Variants in GPIHBP1 observed in about 807,000 individuals in gnomAD.
GPIHBP1 encodes the protein glycosylphosphatidylinositol-anchored high density lipoprotein-binding protein 1.
GPIHBP1 carries 11 observed loss-of-function variants against 13.0 expected under a neutral mutation model. The ratio of observed to expected loss-of-function variants is 0.84; its 90% CI spans 0.53 to 1.40. GPIHBP1 has a LOEUF of 1.40. Among genes scored for constraint, GPIHBP1 ranks in the 40% most tolerant of loss-of-function variants. The pLI, the probability that GPIHBP1 is intolerant of heterozygous loss-of-function variation, is 0.00. For synonymous variants in GPIHBP1, 106 were observed against 102.2 expected (o/e 1.04, Z -0.22); for missense variants, 231 against 241.1 (o/e 0.96, Z 0.28).
At position 143,215,048 on chromosome 8, in the gene GPIHBP1, A is replaced by G. The variant is rs1369769208; in HGVS notation, c.217A>G (p.Arg73Gly). 2 of 1,602,000 alleles carry G rather than the reference A, an allele frequency of 1.2e-6. No homozygotes were observed. Among genetic ancestry groups the G allele is most frequent in the Non-Finnish European group, 1.7e-6 (2 of 1,175,218 alleles). ...GTGCTACACCTGCAAGTCCCTGCCC[A>G]GGGACGAGCGCTGCAACCTGACGCA... ...LRCYTCKSLP[R>G]DERCNLTQNC... The change falls in exon 3 of 4, where the codon AGG (arginine) becomes GGG (glycine). Residue 73 changes from arginine to glycine, a missense_variant. Arg to Gly is a moderately radical substitution (Grantham distance 125). Coordinates refer to ENST00000622500, the MANE Select transcript of GPIHBP1 (RefSeq NM_178172.6).
chr8:143,213,353 G>A (rs1340944382), intron 1 of GPIHBP1, 34 bp downstream of exon 1: 4 of 1,538,648 alleles, frequency 2.6e-6, no homozygotes, highest in South Asian at 1.2e-5. Flanking sequence ...CGGTGAGGGG[G>A]CAGCAACAGC....
chr8:143,214,683 C>T lies in GPIHBP1; in HGVS notation c.182-330C>T, dbSNP rs1488388795. Among the ~76,000 whole-genome samples, 1 of 152,192 alleles carries T rather than the reference C, an allele frequency of 6.6e-6. No individual in the cohort carries two copies. The highest frequency in any genetic ancestry group is 1.5e-5 in the Non-Finnish European group (1 of 68,040). Reference sequence around the variant, plus strand: ...CCTGTGAGGCCCTCCTCTGCCAGGCCTGGTGCTCCTGGAGGCAGGACTGAG... The same window carrying T: ...CCTGTGAGGCCCTCCTCTGCCAGGCTTGGTGCTCCTGGAGGCAGGACTGAG... On this transcript the variant is annotated intron_variant, in intron 2 of 3. Coordinates refer to ENST00000622500, the MANE Select transcript of GPIHBP1 (RefSeq NM_178172.6). The surrounding 1 kb of genome is among the most constrained non-coding windows in gnomAD (Gnocchi z 4.1).
chr8:143,215,137 G>C lies in GPIHBP1; in HGVS notation c.295+11G>C, dbSNP rs377573186. ...CCCACGGGAACACCGGTAAGTGGGCGTGGGGCCGCAGCACATGCACCCCCA... is the reference window on the plus strand; with the variant it reads ...CCCACGGGAACACCGGTAAGTGGGCCTGGGGCCGCAGCACATGCACCCCCA... On this transcript the variant is annotated intron_variant, in intron 3 of 3. Coordinates refer to ENST00000622500, the MANE Select transcript of GPIHBP1 (RefSeq NM_178172.6). The C allele has an allele frequency of 6.2e-7, 1 of 1,610,108 alleles. No homozygotes were observed. Among genetic ancestry groups the C allele is most frequent in the Admixed American group, 1.7e-5 (1 of 60,016 alleles).
At position 143,215,529 on chromosome 8, in the gene GPIHBP1, C is replaced by T; in HGVS notation, c.*11C>T. The stretch of plus-strand genomic sequence containing the variant: ...GCCAGGAGACCCTGACCCACGGCCC[C>T]TCCCCACCCCCACCCGGCTCACCCC... On this transcript the variant is annotated 3_prime_UTR_variant, in exon 4 of 4. Transcript: ENST00000622500. 1 of 1,557,734 alleles carries T rather than the reference C, an allele frequency of 6.4e-7. No individual in the cohort carries two copies. Among genetic ancestry groups the T allele is most frequent in the Non-Finnish European group, 8.7e-7 (1 of 1,153,198 alleles).
At position 143,215,100 on chromosome 8, in the gene GPIHBP1, C is replaced by A; in HGVS notation, c.269C>A (p.Thr90Lys). The A allele has an allele frequency of 6.2e-7, 1 of 1,612,626 alleles. No homozygotes were observed. Among genetic ancestry groups the A allele is most frequent in the Admixed American group, 1.7e-5 (1 of 59,998 alleles). ...TQNCSHGQTCTTLIAHGNTES... is the reference protein window; with the variant it reads ...TQNCSHGQTCKTLIAHGNTES... The stretch of plus-strand genomic sequence containing the variant: ...AACTGCTCACATGGCCAGACCTGCA[C>A]AACCCTCATTGCCCACGGGAACACC... The change falls in exon 3 of 4, where the codon ACA (threonine) becomes AAA (lysine). Residue 90 changes from threonine to lysine, a missense_variant. Transcript: ENST00000622500.
rs1816268869 is a variant in GPIHBP1 at position 143,214,456 on chromosome 8, C to A, written c.181+506C>A. Among the ~76,000 whole-genome samples, 1 of 152,104 alleles carries A rather than the reference C, an allele frequency of 6.6e-6. No individual in the cohort carries two copies. The highest frequency in any genetic ancestry group is 1.5e-5 in the Non-Finnish European group (1 of 68,002). On this transcript the variant is annotated intron_variant, in intron 2 of 3. Coordinates refer to ENST00000622500, the MANE Select transcript of GPIHBP1 (RefSeq NM_178172.6). This position sits in a 1 kb window ranked among gnomAD's most constrained non-coding sequence, Gnocchi z 4.1. ...TGGGCCACCCTCTGCTCTCTCCCATCCCGAGAAAAGCAGAGCAAATCGCCG... is the reference window on the plus strand; with the variant it reads ...TGGGCCACCCTCTGCTCTCTCCCATACCGAGAAAAGCAGAGCAAATCGCCG...
At position 143,215,519 on chromosome 8, in the gene GPIHBP1, C is replaced by G; in HGVS notation, c.*1C>G. Reference sequence around the variant, plus strand: ...AGCAATGGGGGCCAGGAGACCCTGACCCACGGCCCCTCCCCACCCCCACCC... The same window carrying G: ...AGCAATGGGGGCCAGGAGACCCTGAGCCACGGCCCCTCCCCACCCCCACCC... On this transcript the variant is annotated 3_prime_UTR_variant, in exon 4 of 4. Coordinates refer to ENST00000622500, the MANE Select transcript of GPIHBP1 (RefSeq NM_178172.6). 1 of 1,581,294 alleles carries G rather than the reference C, an allele frequency of 6.3e-7. No individual in the cohort carries two copies. The highest frequency in any genetic ancestry group is 8.6e-7 in the Non-Finnish European group (1 of 1,166,492).
At position 143,214,722 on chromosome 8, in the gene GPIHBP1, C is replaced by T. The variant is rs1229870283; in HGVS notation, c.182-291C>T. 6.6e-6 allele frequency among the ~76,000 whole-genome samples: 1 copy of T among 152,210 alleles called. No individual in the cohort carries two copies. The highest frequency in any genetic ancestry group is 1.5e-5 in the Non-Finnish European group (1 of 68,036). ...GGCAGGACTGAGTCAGACCCACCTC[C>T]AGGTTTCTGTGACCACGGCAGGAGC... is the stretch of plus-strand genomic sequence containing the variant. On this transcript the variant is annotated intron_variant, in intron 2 of 3. Transcript: ENST00000622500. This position sits in a 1 kb window ranked among gnomAD's most constrained non-coding sequence, Gnocchi z 4.1.
At chr8:143,215,205 C>G (rs976611935) in intron 3 of GPIHBP1, 54 bp from the exon 4 acceptor site, 2 of 1,612,042 alleles carry the variant, frequency 1.2e-6, no homozygotes, top group Non-Finnish European at 1.7e-6. Flanking sequence ...CCCTGCAGAG[C>G]CACCTCAGAG....
Position 143,215,832 on chromosome 8 carries a change from G to A in GPIHBP1, c.*314G>A, listed in dbSNP as rs1367984192. On this transcript the variant is annotated 3_prime_UTR_variant, in exon 4 of 4. Coordinates refer to ENST00000622500, the MANE Select transcript of GPIHBP1 (RefSeq NM_178172.6). ...CCCATCAGCACAGCCAGGCAGAGAT[G>A]ATACCCACCACACACCTGGGGGCCC... is the stretch of plus-strand genomic sequence containing the variant. 1 of 470,962 alleles carries A rather than the reference G, an allele frequency of 2.1e-6. No individual in the cohort carries two copies. The highest frequency in any genetic ancestry group is 1.9e-5 in the African/African-American group (1 of 51,604). 29.2% of individuals were successfully genotyped at this position (470,962 alleles called of 1,614,324 possible).
At position 143,215,767 on chromosome 8, in the gene GPIHBP1, C is replaced by G; in HGVS notation, c.*249C>G. The G allele has an allele frequency of 1.7e-6, 1 of 575,792 alleles. No individual in the cohort carries two copies. Among genetic ancestry groups the G allele is most frequent in the East Asian group, 2.9e-5 (1 of 34,978 alleles). The allele number at this position is 575,792 out of a possible 1,614,324, so 35.7% of individuals were successfully genotyped here. On this transcript the variant is annotated 3_prime_UTR_variant, in exon 4 of 4. Transcript: ENST00000622500. ...GGCGCTGGGTCCAGACCTCGGCTGC[C>G]ACGCCCCAGGACCTGCAGCCCTCAT...
At chr8:143,213,415 A>C in intron 1 of GPIHBP1, 96 bp downstream of exon 1, 1 of 1,074,884 alleles carries the variant, frequency 9.3e-7, no homozygotes, top group South Asian at 1.3e-5. Context: ...CTTAGGAAGA[A>C]GGAGGGGATG....
rs915965608 is a variant in GPIHBP1 at position 143,214,595 on chromosome 8, C to G, written c.182-418C>G. On this transcript the variant is annotated intron_variant, in intron 2 of 3. Transcript: ENST00000622500. This position sits in a 1 kb window ranked among gnomAD's most constrained non-coding sequence, Gnocchi z 4.1. ...TGCCCCACCACACACAGCCCACCCC[C>G]CTCCCAGGAGCCCCAAGCCTGCCCT... 4.6e-5 allele frequency among the ~76,000 whole-genome samples: 7 copies of G among 151,984 alleles called. No individual in the cohort carries two copies. The highest frequency in any genetic ancestry group is 1.3e-4 in the Admixed American group (2 of 15,274).
chr8:143,214,984 G>A lies in GPIHBP1; in HGVS notation c.182-29G>A. 6.7e-7 allele frequency: 1 copy of A among 1,485,504 alleles called. No homozygotes were observed. The highest frequency in any genetic ancestry group is 9.2e-7 in the Non-Finnish European group (1 of 1,087,818). The allele number at this position is 1,485,504 out of a possible 1,614,324, so 92.0% of individuals were successfully genotyped here. On this transcript the variant is annotated intron_variant, in intron 2 of 3. Transcript: ENST00000622500. This position sits in a 1 kb window ranked among gnomAD's most constrained non-coding sequence, Gnocchi z 4.1. Reference sequence around the variant, plus strand: ...GTGGGAGGAGACCCTGGGGGGCCCGGCCTCGGCCTGAGCCCGCCTTGTCCC... The same window carrying A: ...GTGGGAGGAGACCCTGGGGGGCCCGACCTCGGCCTGAGCCCGCCTTGTCCC...
At position 143,217,108 on chromosome 8, in the gene GPIHBP1, T is replaced by A. The variant is rs1816326004; in HGVS notation, c.*1590T>A. On this transcript the variant is annotated 3_prime_UTR_variant, in exon 4 of 4. Coordinates refer to ENST00000622500, the MANE Select transcript of GPIHBP1 (RefSeq NM_178172.6). Reference sequence around the variant, plus strand: ...GGGCCTAGCTCGCTGCCGACAGAAGTCACTGCCTACCTCAGGGTCCCCTTA... The same window carrying A: ...GGGCCTAGCTCGCTGCCGACAGAAGACACTGCCTACCTCAGGGTCCCCTTA... 6.6e-6 allele frequency: 1 copy of A among 152,208 alleles called. No individual in the cohort carries two copies. Among genetic ancestry groups the A allele is most frequent in the Non-Finnish European group, 1.5e-5 (1 of 68,028 alleles). The allele number at this position is 152,208 out of a possible 1,614,324, so 9.4% of individuals were successfully genotyped here. A position where few individuals can be genotyped will look rare whatever the true frequency, so the allele number is the denominator to read the frequency against.
At position 143,215,969 on chromosome 8, in the gene GPIHBP1, A is replaced by C. The variant is rs1346007760; in HGVS notation, c.*451A>C. On this transcript the variant is annotated 3_prime_UTR_variant, in exon 4 of 4. Transcript: ENST00000622500. ...TCGGCCTCTCCGCTGTCTGGAGGGAAGGGGATTTGGAGGGAGGCTGTCGTC... is the reference window on the plus strand; with the variant it reads ...TCGGCCTCTCCGCTGTCTGGAGGGACGGGGATTTGGAGGGAGGCTGTCGTC... 1 of 181,274 alleles carries C rather than the reference A, an allele frequency of 5.5e-6. No individual in the cohort carries two copies. The highest frequency in any genetic ancestry group is 1.4e-4 in the East Asian group (1 of 7,048). 11.2% of individuals were successfully genotyped at this position (181,274 alleles called of 1,614,324 possible).
chr8:143,213,699 C>T, intron 1 of GPIHBP1, 123 bp from the exon 2 acceptor site: 1 of 1,409,782 alleles, frequency 7.1e-7, no homozygotes, highest in Middle Eastern at 2.4e-4. Flanking sequence ...GGGCCCTCCC[C>T]AGCCACCCTG....
chr8:143,214,763 G>T lies in GPIHBP1; in HGVS notation c.182-250G>T, dbSNP rs150392482. 3.9e-5 allele frequency among the ~76,000 whole-genome samples: 6 copies of T among 152,216 alleles called. No individual in the cohort carries two copies. Among genetic ancestry groups the T allele is most frequent in the Non-Finnish European group, 8.8e-5 (6 of 68,036 alleles). The stretch of plus-strand genomic sequence containing the variant: ...CGGCAGGAGCCTGGGCAGCATTGTC[G>T]CAGGACGTGAGTGATGATGGGAAGT... On this transcript the variant is annotated intron_variant, in intron 2 of 3. Coordinates refer to ENST00000622500, the MANE Select transcript of GPIHBP1 (RefSeq NM_178172.6). The surrounding 1 kb of genome is among the most constrained non-coding windows in gnomAD (Gnocchi z 4.1).
Position 143,215,243 on chromosome 8 carries a change from C to G in GPIHBP1, c.296-16C>G. ...CCCGCCCATCCTCAGCACTTGTTCCCCACTCCCCTTCCCAGAGTCAGGCCT... is the reference window on the plus strand; with the variant it reads ...CCCGCCCATCCTCAGCACTTGTTCCGCACTCCCCTTCCCAGAGTCAGGCCT... On this transcript the variant is annotated splice_polypyrimidine_tract_variant and intron_variant, in intron 3 of 3. Coordinates refer to ENST00000622500, the MANE Select transcript of GPIHBP1 (RefSeq NM_178172.6). 6.2e-7 allele frequency: 1 copy of G among 1,613,044 alleles called. No homozygotes were observed. Among genetic ancestry groups the G allele is most frequent in the Non-Finnish European group, 8.5e-7 (1 of 1,179,980 alleles).
Sources: allele counts gnomAD v4.1 joint callset (sites outside exome capture counted in the v4.1 genomes callset), GRCh38; gene constraint gnomAD v4.1.1; non-coding constraint Gnocchi (gnomAD v3.1); transcripts MANE v1.5; gene names NCBI Gene and HGNC (gene_info 2026-07-23, HGNC 2026-07-21).